Variants in SEC24B observed in about 807,000 individuals in gnomAD.
SEC24B encodes the protein protein transport protein Sec24B.
A neutral mutation model predicts 142.8 loss-of-function variants in SEC24B; 45 were observed. The ratio of observed to expected loss-of-function variants is 0.32; its 90% CI spans 0.25 to 0.40. The LOEUF (loss-of-function observed/expected upper bound fraction) is 0.40, where lower values mean the gene tolerates loss of function less well. SEC24B is among the 10% of genes least tolerant of loss of function. The pLI, the probability that SEC24B is intolerant of heterozygous loss-of-function variation, is 1.00. For synonymous variants in SEC24B, 574 were observed against 568.2 expected (o/e 1.01, Z -0.15); for missense variants, 1,409 against 1,526.8 (o/e 0.92, Z 1.29).
chr4:109,456,439 T>C (rs940163039), intron 1 of SEC24B, among the ~76,000 whole-genome samples: 2 of 150,946 alleles, frequency 1.3e-5, no homozygotes, highest in Non-Finnish European at 3.0e-5. Flanking sequence ...TGAATAGGAA[T>C]GATGAGAGAG....
At chr4:109,483,606 T>C (rs773950518) in intron 4 of SEC24B, among the ~76,000 whole-genome samples, 1 of 152,206 alleles carries the variant, frequency 6.6e-6, no homozygotes, top group Non-Finnish European at 1.5e-5. Flanking sequence ...GTGACCACAA[T>C]TCTCCTGTTC....
chr4:109,471,579 A>G (rs1195079930), intron 2 of SEC24B, among the ~76,000 whole-genome samples: 1 of 151,884 alleles, frequency 6.6e-6, no homozygotes, highest in Non-Finnish European at 1.5e-5. Flanking sequence ...ATGATTTATT[A>G]TTTTTCTTGG....
At chr4:109,462,574 T>A (rs143966379) in intron 1 of SEC24B, among the ~76,000 whole-genome samples, 2 of 152,096 alleles carry the variant, frequency 1.3e-5, no homozygotes, top group Non-Finnish European at 2.9e-5. Context: ...TCTTTCAGAC[T>A]GGGGTATCTG....
intron 10 of SEC24B, among the ~76,000 whole-genome samples, chr4:109,514,457 C>T (rs746874880): frequency 7.2e-5 from 11 of 152,044 alleles, no homozygotes; most frequent in Non-Finnish European, 1.3e-4. Flanking sequence ...CCAGCACTTG[C>T]GGAGGCTGAG....
chr4:109,448,626 A>G (rs1425082454), intron 1 of SEC24B, among the ~76,000 whole-genome samples: 1 of 152,010 alleles, frequency 6.6e-6, no homozygotes, highest in Non-Finnish European at 1.5e-5. Context: ...TATTTTCAGT[A>G]GAGATGGGGT....
intron 2 of SEC24B, among the ~76,000 whole-genome samples, chr4:109,470,404 A>T (rs1452184131): frequency 2.0e-5 from 3 of 152,234 alleles, no homozygotes; most frequent in Non-Finnish European, 2.9e-5. Flanking sequence ...CACTTTGAGT[A>T]TGAGGGCCAT....
intron 1 of SEC24B, among the ~76,000 whole-genome samples, chr4:109,455,744 G>A (rs1027046272): frequency 1.3e-5 from 2 of 152,130 alleles, no homozygotes; most frequent in African/African-American, 4.8e-5. Context: ...TGCATTCTGT[G>A]TATCTGTCCT....
At chr4:109,478,715 A>G (rs1222971336) in intron 3 of SEC24B, among the ~76,000 whole-genome samples, 2 of 152,228 alleles carry the variant, frequency 1.3e-5, no homozygotes, top group African/African-American at 2.4e-5. Context: ...AGAGACTGGC[A>G]TACATTACAG....
intron 2 of SEC24B, among the ~76,000 whole-genome samples, chr4:109,468,585 T>G (rs1342558873): frequency 6.6e-6 from 1 of 152,236 alleles, no homozygotes; most frequent in Non-Finnish European, 1.5e-5. Context: ...GTTTCAGAAC[T>G]TTCTTCTGTG....
intron 2 of SEC24B, among the ~76,000 whole-genome samples, chr4:109,466,697 A>G (rs974709326): frequency 4.6e-5 from 7 of 152,234 alleles, no homozygotes; most frequent in Admixed American, 4.6e-4. Flanking sequence ...GGCGTGAGCC[A>G]CTGCACCCGG....
At chr4:109,528,123 G>C (rs568405963) in intron 18 of SEC24B, among the ~76,000 whole-genome samples, 122 of 152,300 alleles carry the variant, frequency 8.0e-4, no homozygotes, top group Middle Eastern at 3.4e-3. Context: ...TAGGCCAGGT[G>C]TGGTGGCTCA....
At chr4:109,524,035 G>A (rs947559339) in intron 14 of SEC24B, among the ~76,000 whole-genome samples, 8 of 152,240 alleles carry the variant, frequency 5.3e-5, no homozygotes, top group Admixed American at 2.0e-4. Flanking sequence ...CATTTAGTTC[G>A]TTGACCCATT....
chr4:109,437,687 C>T (rs1388794008), intron 1 of SEC24B, among the ~76,000 whole-genome samples: 1 of 152,172 alleles, frequency 6.6e-6, no homozygotes, highest in Non-Finnish European at 1.5e-5. Context: ...TGCAGTGGCA[C>T]GATCTCAGCT....
intron 21 of SEC24B, among the ~76,000 whole-genome samples, chr4:109,533,209 G>T (rs1725119651): frequency 6.6e-6 from 1 of 152,130 alleles, no homozygotes; most frequent in Non-Finnish European, 1.5e-5. Flanking sequence ...GGTTAAGATG[G>T]CTTCAAAATG....
intron 1 of SEC24B, among the ~76,000 whole-genome samples, chr4:109,447,616 A>G (rs1044167677): frequency 1.3e-5 from 2 of 151,396 alleles, no homozygotes; most frequent in Non-Finnish European, 2.9e-5. Flanking sequence ...TTTATTGATC[A>G]AATGTTGGCA....
At chr4:109,483,056 T>TTATGTATTTA in intron 4 of SEC24B, among the ~76,000 whole-genome samples, 2 of 97,904 alleles carry the variant, frequency 2.0e-5, no homozygotes, top group East Asian at 4.8e-4. Flanking sequence ...ATTTATGTAT[T>TTATGTATTTA]TATATATATA....
At position 109,521,568 on chromosome 4, in the gene SEC24B, C is replaced by T; in HGVS notation, c.2450C>T (p.Ser817Phe). The T allele has an allele frequency of 3.1e-6, 5 of 1,614,092 alleles. No individual in the cohort carries two copies. Among genetic ancestry groups the T allele is most frequent in the Non-Finnish European group, 4.2e-6 (5 of 1,179,988 alleles). ...TCTGTATTTCAGACACAGTTACCTT[C>T]CTTGGGTGCAGGACTTCTGCAATCC... Reference protein sequence around the residue: ...RVSVFQTQLPSLGAGLLQSRE... With the variant: ...RVSVFQTQLPFLGAGLLQSRE... Residue 817 changes from serine (S) to phenylalanine (F), a missense_variant, in exon 14 of 24, where the codon TCC becomes TTC. By Grantham distance (155) the Ser-to-Phe change is radical. Around this residue, in one of 2 missense-constraint regions of SEC24B, gnomAD observed 700 missense variants for 853.3 expected, o/e 0.82. Coordinates refer to ENST00000265175, the MANE Select transcript of SEC24B (RefSeq NM_006323.5).
chr4:109,472,560 A>G (rs1732635056), intron 2 of SEC24B, among the ~76,000 whole-genome samples: 1 of 152,150 alleles, frequency 6.6e-6, no homozygotes, highest in African/African-American at 2.4e-5. Flanking sequence ...TATGGAATTC[A>G]GAGACCACAT....
intron 7 of SEC24B, 90 bp from the exon 8 acceptor site, chr4:109,509,919 A>G (rs546719443): frequency 1.4e-6 from 1 of 709,966 alleles, no homozygotes; most frequent in African/African-American, 1.8e-5. Context: ...ATTTTCACTT[A>G]TGTCCTTAAA....
Sources: gnomAD v4.1 joint callset for allele counts (sites outside exome capture counted in the v4.1 genomes callset) on GRCh38, gnomAD v4.1.1 for gene constraint, gnomAD v4.1.1 regional missense constraint, MANE v1.5 for transcripts, NCBI Gene and HGNC (gene_info 2026-07-23, HGNC 2026-07-21) for gene names.